MAP3K15: variants seen among roughly 807,000 people sequenced by gnomAD.
MAP3K15 encodes the protein mitogen-activated protein kinase kinase kinase 15, also known as MAPK/ERK kinase kinase 15.
Under a neutral mutation model 99.5 loss-of-function variants are expected in MAP3K15, and 124 were observed. The observed-to-expected ratio is 1.25, with a 90% CI of 1.08 to 1.45. MAP3K15 has a LOEUF of 1.45. MAP3K15 is among the 40% of genes most tolerant of loss of function. The pLI, the probability that MAP3K15 is intolerant of heterozygous loss-of-function variation, is 0.00. For missense variants in MAP3K15, 1,242 were observed against 1,079.7 expected (o/e 1.15, Z -2.11); for synonymous variants, 494 against 439.6 (o/e 1.12, Z -1.55).
chrX:19,380,048 G>A (rs865839170), intron 19 of MAP3K15, 72 bp downstream of exon 19: 1 of 1,046,052 alleles, frequency 9.6e-7, no homozygotes, highest in Admixed American at 4.0e-5. Flanking sequence ...AGGTTTTCTG[G>A]ATTGGGAGGA....
intron 9 of MAP3K15, among the ~76,000 whole-genome samples, 174 bp downstream of exon 9, chrX:19,425,357 A>G (rs952336736): frequency 1.8e-5 from 2 of 111,968 alleles, no homozygotes; most frequent in Non-Finnish European, 3.8e-5. Context: ...TTCTGTGTGG[A>G]TCTGTCTTTC....
chrX:19,442,028 T>C (rs2063963055), intron 6 of MAP3K15, among the ~76,000 whole-genome samples: 1 of 112,109 alleles, frequency 8.9e-6, no homozygotes, highest in South Asian at 3.7e-4. Flanking sequence ...GTCACTGAAA[T>C]TGTGGGGCTG....
chrX:19,384,249 T>C lies in MAP3K15; in HGVS notation c.2432-3972A>G, dbSNP rs191417638. ...TAAGTCAGGCATAGAAAGAGAAACA[T>C]TGCATGCTCTCACTTATTTGTGAGA... On this transcript the variant is annotated intron_variant, in intron 18 of 28. Transcript: ENST00000338883. Among the ~76,000 whole-genome samples, 257 of 110,730 alleles carry C rather than the reference T, an allele frequency of 2.3e-3. 2 individuals are homozygous for C. Among genetic ancestry groups the C allele is most frequent in the African/African-American group, 7.8e-3 (239 of 30,470 alleles).
At position 19,409,967 on chromosome X, in the gene MAP3K15, T is replaced by A. The variant is rs779638486; in HGVS notation, c.1705A>T (p.Met569Leu). 1 of 1,204,597 alleles carries A rather than the reference T, an allele frequency of 8.3e-7. No individual in the cohort carries two copies. The highest frequency in any genetic ancestry group is 2.2e-5 in the Admixed American group (1 of 45,970). ...GAGGCTGTAAAATTCCATTCGTGCA[T>A]CTGTTTCTGCAAGTTATCAAAGACA... The part of the protein sequence containing the change: ...WHVSPTEMKQ[M>L]HEWNFTASSI... The change falls in exon 12 of 29, where the codon ATG becomes TTG. Residue 569 changes from methionine (M) to leucine (L), a missense_variant. By Grantham distance (15) the Met-to-Leu change is conservative. Coordinates refer to ENST00000338883, the MANE Select transcript of MAP3K15 (RefSeq NM_001001671.4).
rs933738442 is a variant in MAP3K15 at position 19,415,226 on chromosome X, G to A, written c.1471C>T (p.Leu491=). The change falls in exon 10 of 29, where the codon CTA becomes TTA. Residue 491 remains leucine, a synonymous_variant. Transcript: ENST00000338883. ...ATGGTTTTCTTGAAGCGCCGAATTAGTAACAAGTTCTGAACTAATGATCGC... is the reference window on the plus strand; with the variant it reads ...ATGGTTTTCTTGAAGCGCCGAATTAATAACAAGTTCTGAACTAATGATCGC... ...YLRSLVQNLL[L]IRRFKKTIIE... The A allele has an allele frequency of 1.4e-5, 16 of 1,178,850 alleles. No homozygotes were observed. The highest frequency in any genetic ancestry group is 2.3e-5 in the Admixed American group (1 of 42,557).
chrX:19,395,046 T>G (rs2063558308), intron 16 of MAP3K15, 35 bp downstream of exon 16: 1 of 1,190,099 alleles, frequency 8.4e-7, no homozygotes, highest in African/African-American at 1.8e-5. Context: ...GTAGTGATTT[T>G]CAGAATGTGA....
chrX:19,464,959 A>T (rs1335233356), intron 3 of MAP3K15, among the ~76,000 whole-genome samples: 3 of 111,042 alleles, frequency 2.7e-5, no homozygotes, highest in Admixed American at 9.6e-5. Flanking sequence ...TGGCGCGAAC[A>T]TGGCTCACTG....
At chrX:19,398,086 T>TAA in intron 15 of MAP3K15, 140 bp downstream of exon 15, 6 of 414,823 alleles carry the variant, frequency 1.4e-5, no homozygotes, top group South Asian at 4.5e-5. Flanking sequence ...AAAAAAAAGA[T>TAA]CACCCCTATT....
intron 9 of MAP3K15, among the ~76,000 whole-genome samples, chrX:19,418,936 C>T (rs1394021897): frequency 1.8e-5 from 2 of 111,540 alleles, no homozygotes; most frequent in South Asian, 3.8e-4. Flanking sequence ...TCCAGCCAAA[C>T]TAAGCTTCAT....
At position 19,460,035 on chromosome X, in the gene MAP3K15, G is replaced by C. The variant is rs764061183; in HGVS notation, c.838C>G (p.Leu280Val). 4.2e-6 allele frequency: 5 copies of C among 1,187,592 alleles called. No individual in the cohort carries two copies. Among genetic ancestry groups the C allele is most frequent in the Non-Finnish European group, 4.5e-6 (4 of 887,652 alleles). The change falls in exon 5 of 29, where the codon CTG (leucine) becomes GTG (valine). Residue 280 changes from leucine to valine, a missense_variant. Transcript: ENST00000338883. Reference protein sequence around the residue: ...IKLRMDNTEVLTSDIIINLLL... With the variant: ...IKLRMDNTEVVTSDIIINLLL... The stretch of plus-strand genomic sequence containing the variant: ...AAGTTAATGATGATGTCTGAGGTCA[G>C]AACCTCAGTATTATCCATGCGGAGC...
intron 19 of MAP3K15, 137 bp downstream of exon 19, chrX:19,379,983 G>T (rs917089554): frequency 1.5e-5 from 10 of 667,849 alleles, no homozygotes; most frequent in Non-Finnish European, 2.1e-5. Context: ...CTCGCATTCT[G>T]GTTTAATGCT....
At chrX:19,503,357 C>T (rs780605913) in intron 1 of MAP3K15, among the ~76,000 whole-genome samples, 1 of 112,262 alleles carries the variant, frequency 8.9e-6, no homozygotes, top group Non-Finnish European at 1.9e-5. Context: ...AAACCAACAT[C>T]TCCCACAGGT....
rs776661644 is a variant in MAP3K15 at position 19,455,347 on chromosome X, CT to C, written c.995+1565del. ...TTTTCTATGTCTTTTTTTCTTTTTT[CT>C]TTTTTTTTTTTTTGAAACAGGGTCT... On this transcript the variant is annotated intron_variant, in intron 6 of 28. Transcript: ENST00000338883. Among the ~76,000 whole-genome samples, 170 of 94,457 alleles carry C rather than the reference CT, an allele frequency of 1.8e-3. 1 individual carries two copies. Among genetic ancestry groups the C allele is most frequent in the Middle Eastern group, 5.1e-3 (1 of 197 alleles). The allele number at this position is 94,457 out of a possible 115,157, so 82.0% of individuals were successfully genotyped here.
chrX:19,458,283 A>G (rs1232009396), intron 5 of MAP3K15, among the ~76,000 whole-genome samples: 1 of 112,525 alleles, frequency 8.9e-6, no homozygotes, highest in Non-Finnish European at 1.9e-5. Context: ...GACAAAAAGC[A>G]GCAGCTCGAG....
chrX:19,480,532 G>A (rs767934761), intron 3 of MAP3K15, among the ~76,000 whole-genome samples: 2 of 108,400 alleles, frequency 1.8e-5, no homozygotes, highest in South Asian at 4.1e-4. Context: ...GGCCGGGTGC[G>A]GGCCAGGCAC....
intron 9 of MAP3K15, among the ~76,000 whole-genome samples, chrX:19,422,341 AC>A (rs2063794219): frequency 1.8e-5 from 2 of 112,155 alleles, no homozygotes; most frequent in African/African-American, 6.5e-5. Context: ...CAAGAAAAAA[AC>A]AAACAATCCC....
At chrX:19,454,153 C>G (rs2064076202) in intron 6 of MAP3K15, among the ~76,000 whole-genome samples, 1 of 111,919 alleles carries the variant, frequency 8.9e-6, no homozygotes, top group Non-Finnish European at 1.9e-5. Flanking sequence ...AACTGCCCTG[C>G]CACTTGCTGA....
At chrX:19,408,110 G>C (rs761310714) in intron 12 of MAP3K15, among the ~76,000 whole-genome samples, 25 of 111,961 alleles carry the variant, frequency 2.2e-4, no homozygotes, top group South Asian at 1.5e-3. Context: ...TTATAAGTGA[G>C]CAGGTTTTGA....
chrX:19,513,875 A>G (rs1473242643), intron 1 of MAP3K15, among the ~76,000 whole-genome samples: 4 of 110,944 alleles, frequency 3.6e-5, no homozygotes, highest in African/African-American at 1.3e-4. Context: ...TTCCACACCG[A>G]GAGAAACTCT....
Sources: allele counts gnomAD v4.1 joint callset (sites outside exome capture counted in the v4.1 genomes callset), GRCh38; gene constraint gnomAD v4.1.1; transcripts MANE v1.5; gene names NCBI Gene and HGNC (gene_info 2026-07-23, HGNC 2026-07-21).